ZFHX3: variants seen among roughly 807,000 people sequenced by gnomAD.
ZFHX3 encodes the protein zinc finger homeobox 3.
ZFHX3 carries 42 observed loss-of-function variants against 279.1 expected under a neutral mutation model. The observed-to-expected ratio is 0.15, with a 90% CI of 0.12 to 0.19. The LOEUF is 0.19. Ranked by LOEUF, ZFHX3 falls within the 10% of genes least tolerant of loss-of-function variation. The pLI is 1.00. For missense variants in ZFHX3, 4,981 were observed against 4,754.0 expected (o/e 1.05, Z -1.40); for synonymous variants, 2,293 against 1,957.8 (o/e 1.17, Z -4.52).
At chr16:73,420,998 G>A (rs1248507701) in intron 3 of ZFHX3, 1 of 152,188 alleles carries the variant, frequency 6.6e-6, no homozygotes, top group African/African-American at 2.4e-5. Flanking sequence ...CCATAACGTA[G>A]TATAAACAGA....
At chr16:73,026,192 CAAAAAAAAAAAAAAAAA>C (rs60146795) in intron 1 of ZFHX3, among the ~76,000 whole-genome samples, 512 of 47,510 alleles carry the variant, frequency 0.011, 14 homozygotes, top group African/African-American at 0.039. Context: ...ACAAAAAATA[CAAAAAAAAAAAAAAAAA>C]AAAAAAAAAA....
intron 1 of ZFHX3, among the ~76,000 whole-genome samples, chr16:73,797,039 T>TA (rs535961090): frequency 1.1e-3 from 158 of 142,150 alleles, no homozygotes; most frequent in Admixed American, 2.1e-3. Flanking sequence ...CTGTCTCTAC[T>TA]AAAAAAAAAA....
chr16:73,168,828 C>A (rs1417204971), intron 5 of ZFHX3, among the ~76,000 whole-genome samples: 13 of 152,226 alleles, frequency 8.5e-5, no homozygotes, highest in Non-Finnish European at 1.9e-4. Flanking sequence ...CGCTTTACAC[C>A]TCTGCTCCCT....
At chr16:73,110,540 T>C (rs1597160438) in intron 7 of ZFHX3, among the ~76,000 whole-genome samples, 1 of 152,184 alleles carries the variant, frequency 6.6e-6, no homozygotes, top group East Asian at 1.9e-4. Flanking sequence ...CCATACACTC[T>C]TTACACAGGA....
chr16:73,664,297 A>G (rs569297675), intron 2 of ZFHX3, among the ~76,000 whole-genome samples: 1 of 152,318 alleles, frequency 6.6e-6, no homozygotes, highest in South Asian at 2.1e-4. Flanking sequence ...CCTAATTCCC[A>G]TGAAAAACAA....
intron 2 of ZFHX3, among the ~76,000 whole-genome samples, chr16:73,604,494 C>T (rs2052157419): frequency 6.6e-6 from 1 of 152,058 alleles, no homozygotes; most frequent in African/African-American, 2.4e-5. Flanking sequence ...GCCTGTAATC[C>T]CAGCACTTTG....
intron 2 of ZFHX3, among the ~76,000 whole-genome samples, chr16:73,495,518 C>T (rs1398621174): frequency 6.6e-6 from 1 of 152,204 alleles, no homozygotes; most frequent in African/African-American, 2.4e-5. Flanking sequence ...AGCAAAATTC[C>T]AGGCTCAAAC....
At chr16:72,825,301 G>A (rs1407691299) in intron 5 of ZFHX3, among the ~76,000 whole-genome samples, 4 of 152,182 alleles carry the variant, frequency 2.6e-5, no homozygotes, top group Admixed American at 1.3e-4. Flanking sequence ...GGTGGTTATC[G>A]TGTTACTATG....
intron 4 of ZFHX3, among the ~76,000 whole-genome samples, chr16:72,837,696 C>G (rs971953833): frequency 6.6e-6 from 1 of 151,370 alleles, no homozygotes; most frequent in African/African-American, 2.4e-5. Context: ...GAACTCCTGG[C>G]CTCAAGTGAT....
chr16:73,706,792 G>A lies in ZFHX3; in HGVS notation c.-1607-26552C>T, dbSNP rs185715152. On this transcript the variant is annotated intron_variant, in intron 1 of 17. Transcript: ENST00000641206. ...CCAATTTTTCAGTGTATCATCTTCC[G>A]TTCCCCCACCCTCCACCCAGAACCC... Among the ~76,000 whole-genome samples, 215 of 152,014 alleles carry A rather than the reference G, an allele frequency of 1.4e-3. 1 individual carries two copies. Among genetic ancestry groups the A allele is most frequent in the African/African-American group, 4.4e-3 (181 of 41,474 alleles).
intron 5 of ZFHX3, among the ~76,000 whole-genome samples, chr16:73,154,991 A>G (rs987919567): frequency 6.6e-6 from 1 of 151,400 alleles, no homozygotes; most frequent in Non-Finnish European, 1.5e-5. Flanking sequence ...CTGGCCAACA[A>G]GGCGAAACCC....
At chr16:73,398,512 T>G (rs1341932923) in intron 3 of ZFHX3, among the ~76,000 whole-genome samples, 4 of 151,992 alleles carry the variant, frequency 2.6e-5, no homozygotes, top group Admixed American at 2.6e-4. Context: ...TTTTCAGGAG[T>G]TGTGTGAGCC....
At chr16:73,475,870 A>C (rs1475396918) in intron 2 of ZFHX3, among the ~76,000 whole-genome samples, 2 of 151,824 alleles carry the variant, frequency 1.3e-5, no homozygotes, top group African/African-American at 4.8e-5. Context: ...AAAGGGAAAA[A>C]CTCTTTAGAT....
rs780646565 is a variant in ZFHX3, at chr16:73,138,069, G to A, written c.-1024+5683C>T. Among the ~76,000 whole-genome samples, 5 of 152,256 alleles carry A rather than the reference G, an allele frequency of 3.3e-5. No homozygotes were observed. In the South Asian group the frequency reaches 1.0e-3, roughly 32 times the overall value. ...GTAGAAGCCGACATTGTGTTTCACTGGATGCCAAATCCTCAGAGTGCTTCT... is the reference window on the plus strand; with the variant it reads ...GTAGAAGCCGACATTGTGTTTCACTAGATGCCAAATCCTCAGAGTGCTTCT... On this transcript the variant is annotated intron_variant, in intron 6 of 17. Transcript: ENST00000641206.
At chr16:72,823,245 T>G (rs1456054705) in intron 5 of ZFHX3, among the ~76,000 whole-genome samples, 1 of 152,204 alleles carries the variant, frequency 6.6e-6, no homozygotes. Flanking sequence ...GCTCCCAGTA[T>G]TCCCTCACAT....
chr16:72,900,996 C>T (rs995683984), intron 3 of ZFHX3, among the ~76,000 whole-genome samples: 1 of 152,206 alleles, frequency 6.6e-6, no homozygotes, highest in Non-Finnish European at 1.5e-5. Flanking sequence ...CATGCAATGC[C>T]TGCACACAAG....
rs750069782 is a variant in ZFHX3 at position 72,795,748 on chromosome 16, G to T, written c.6934C>A (p.Arg2312=). The part of the protein sequence containing the change: ...ENQGEGKDGE[R]RELTNDRYIR... Reference sequence around the variant, plus strand: ...TATCTATCATTTGTAAGCTCACGCCGCTCTCCATCTTTGCCCTCTCCCTGA... The same window carrying T: ...TATCTATCATTTGTAAGCTCACGCCTCTCTCCATCTTTGCCCTCTCCCTGA... The change falls in exon 9 of 10, where the codon CGG becomes AGG. Residue 2312 remains arginine, a synonymous_variant. Transcript: ENST00000268489. The T allele has an allele frequency of 7.4e-6, 12 of 1,614,014 alleles. No individual in the cohort carries two copies. The highest frequency in any genetic ancestry group is 1.0e-5 in the Non-Finnish European group (12 of 1,180,042).
At chr16:73,189,445 C>G (rs537405562) in intron 5 of ZFHX3, among the ~76,000 whole-genome samples, 2 of 152,162 alleles carry the variant, frequency 1.3e-5, no homozygotes, top group Non-Finnish European at 2.9e-5. Flanking sequence ...CTACAGGGAA[C>G]GAGCCGGCAC....
chr16:73,845,561 A>G (rs977901659), intron 1 of ZFHX3, among the ~76,000 whole-genome samples: 19 of 151,902 alleles, frequency 1.3e-4, no homozygotes, highest in Non-Finnish European at 2.2e-4. Context: ...AAAAAAAAGC[A>G]GCTTTAGAAA....
Sources: gnomAD v4.1 joint callset for allele counts (sites outside exome capture counted in the v4.1 genomes callset) on GRCh38, gnomAD v4.1.1 for gene constraint, MANE v1.5 for transcripts, NCBI Gene and HGNC (gene_info 2026-07-23, HGNC 2026-07-21) for gene names.